PCDH9: variants seen among roughly 807,000 people sequenced by gnomAD.
PCDH9 encodes the protein protocadherin-9.
A neutral mutation model predicts 70.6 loss-of-function variants in PCDH9; 24 were observed. That is an observed-to-expected ratio of 0.34 (90% confidence interval 0.25 to 0.48). PCDH9 has a LOEUF of 0.48. Among genes scored for constraint, PCDH9 ranks in the 20% least tolerant of loss-of-function variants. The probability of loss-of-function intolerance (pLI) is 0.99; values close to 1 mark genes in which losing one functional copy is unlikely to be tolerated. For synonymous variants in PCDH9, 562 were observed against 558.5 expected (o/e 1.01, Z -0.09); for missense variants, 1,281 against 1,503.6 (o/e 0.85, Z 2.45).
intron 3 of PCDH9, among the ~76,000 whole-genome samples, chr13:66,775,024 T>A (rs2079868284): frequency 6.6e-6 from 1 of 152,218 alleles, no homozygotes; most frequent in Non-Finnish European, 1.5e-5. Context: ...ATGATTAAGT[T>A]CCCATTTTTT....
At chr13:66,380,536 CTTTTTTTTT>C (rs59830525) in intron 4 of PCDH9, among the ~76,000 whole-genome samples, 1 of 53,360 alleles carries the variant, frequency 1.9e-5, no homozygotes, top group Non-Finnish European at 3.5e-5. Context: ...AGATCTTGTC[CTTTTTTTTT>C]TTTTTTTTTT....
chr13:67,135,995 T>C (rs1275280295), intron 2 of PCDH9, among the ~76,000 whole-genome samples: 1 of 152,012 alleles, frequency 6.6e-6, no homozygotes, highest in African/African-American at 2.4e-5. Flanking sequence ...TCCCCATCCA[T>C]ACTGAATATT....
intron 3 of PCDH9, among the ~76,000 whole-genome samples, chr13:66,813,873 TA>T (rs1401546924): frequency 6.6e-6 from 1 of 151,766 alleles, no homozygotes; most frequent in Non-Finnish European, 1.5e-5. Context: ...TTGGTCTAAA[TA>T]AAAAAAATCA....
intron 3 of PCDH9, among the ~76,000 whole-genome samples, chr13:66,809,105 G>A (rs562078594): frequency 8.5e-5 from 13 of 152,096 alleles, no homozygotes; most frequent in African/African-American, 2.7e-4. Context: ...CCGCCACCAC[G>A]CTCGACTAAT....
chr13:66,417,343 C>A (rs1346914833), intron 4 of PCDH9, among the ~76,000 whole-genome samples: 1 of 152,130 alleles, frequency 6.6e-6, no homozygotes, highest in Non-Finnish European at 1.5e-5. Flanking sequence ...GATGTCCCTG[C>A]AAAGGACAGG....
intron 2 of PCDH9, among the ~76,000 whole-genome samples, chr13:67,075,629 T>A (rs61959361): frequency 1.2e-4 from 18 of 150,392 alleles, no homozygotes; most frequent in Non-Finnish European, 2.5e-4. Context: ...TTCCATGACA[T>A]CTTATTTCTA....
chr13:67,027,647 G>T (rs1184318199), intron 2 of PCDH9, among the ~76,000 whole-genome samples: 6 of 149,808 alleles, frequency 4.0e-5, no homozygotes, highest in Non-Finnish European at 7.4e-5. Flanking sequence ...CAAAATGGGA[G>T]AAAATTTTCA....
intron 3 of PCDH9, among the ~76,000 whole-genome samples, chr13:66,724,969 A>T (rs1201744544): frequency 6.6e-6 from 1 of 152,176 alleles, no homozygotes; most frequent in African/African-American, 2.4e-5. Context: ...AATATTACAT[A>T]GTGCTGATGA....
chr13:66,616,484 C>CTTTTTTTTTTTTTTTTTTTTTTT (rs60587237), intron 4 of PCDH9, among the ~76,000 whole-genome samples: 2 of 116,672 alleles, frequency 1.7e-5, no homozygotes, highest in Admixed American at 9.8e-5. Context: ...TTCTAAAATT[C>CTTTTTTTTTTTTTTTTTTTTTTT]TTTTTTTTTT....
At chr13:66,588,090 T>G (rs2076986998) in intron 4 of PCDH9, among the ~76,000 whole-genome samples, 1 of 152,026 alleles carries the variant, frequency 6.6e-6, no homozygotes, top group African/African-American at 2.4e-5. Flanking sequence ...AATAACTTTG[T>G]AAAAAATCAT....
chr13:66,317,757 G>A (rs1383146285), intron 4 of PCDH9, among the ~76,000 whole-genome samples: 22 of 151,346 alleles, frequency 1.5e-4, no homozygotes, highest in Admixed American at 1.4e-3. Context: ...AAGATGATTA[G>A]CAAATTTATT....
At chr13:66,430,112 TA>T (rs1957745077) in intron 4 of PCDH9, among the ~76,000 whole-genome samples, 2 of 152,178 alleles carry the variant, frequency 1.3e-5, no homozygotes, top group South Asian at 2.1e-4. Flanking sequence ...TCCCTATTTA[TA>T]AAAGTAATAC....
intron 4 of PCDH9, among the ~76,000 whole-genome samples, chr13:66,347,210 T>C (rs1010740596): frequency 2.0e-5 from 3 of 152,214 alleles, no homozygotes; most frequent in Non-Finnish European, 4.4e-5. Flanking sequence ...ACCAAGCACA[T>C]TTTAATGTAT....
At position 66,980,102 on chromosome 13, in the gene PCDH9, A is replaced by ATCTATCTC. The variant is rs1163542883; in HGVS notation, c.3037-76498_3037-76497insGAGATAGA. On this transcript the variant is annotated intron_variant, in intron 2 of 4. Coordinates refer to ENST00000377865, the MANE Select transcript of PCDH9 (RefSeq NM_203487.3). ...TCTCTATCTATCTATCTATCTATCT[A>ATCTATCTC]TCTATCTATCTATCTATCTATCTAT... Among the ~76,000 whole-genome samples the ATCTATCTC allele has an allele frequency of 1.5e-3, 222 of 151,898 alleles. 1 individual carries two copies. The highest frequency in any genetic ancestry group is 5.1e-3 in the African/African-American group (209 of 41,360).
chr13:66,463,446 C>T (rs968514919), intron 4 of PCDH9, among the ~76,000 whole-genome samples: 1 of 151,262 alleles, frequency 6.6e-6, no homozygotes, highest in Admixed American at 6.6e-5. Flanking sequence ...AATAACAAAA[C>T]AAGACAGAGC....
chr13:66,419,830 G>T (rs1474558583), intron 4 of PCDH9, among the ~76,000 whole-genome samples: 1 of 151,608 alleles, frequency 6.6e-6, no homozygotes, highest in Non-Finnish European at 1.5e-5. Flanking sequence ...CACTACCCTG[G>T]AAAGGGGGCT....
intron 2 of PCDH9, among the ~76,000 whole-genome samples, chr13:67,184,402 C>T (rs979476231): frequency 6.6e-6 from 1 of 152,090 alleles, no homozygotes; most frequent in African/African-American, 2.4e-5. Flanking sequence ...GCATTCAGAT[C>T]TCTGTGAATT....
In PCDH9 at chr13:66,665,389, C is replaced by T. The variant is rs569590905; in HGVS notation, c.3139-33978G>A. Among the ~76,000 whole-genome samples, 21 of 152,200 alleles carry T rather than the reference C, an allele frequency of 1.4e-4. No individual in the cohort carries two copies. The South Asian group carries it at 1.5e-3, about 11-fold the overall frequency. On this transcript the variant is annotated intron_variant, in intron 3 of 4. Transcript: ENST00000377865. ...CTGGGATTACAGGTGTGAGCCACCG[C>T]GCCTGACCAGAAAGCTAAGGACTTT... is the stretch of plus-strand genomic sequence containing the variant.
intron 2 of PCDH9, among the ~76,000 whole-genome samples, chr13:67,128,329 A>G (rs200774410): frequency 6.6e-6 from 1 of 152,202 alleles, no homozygotes; most frequent in East Asian, 1.9e-4. Flanking sequence ...ACACAATGCA[A>G]GTATCTCTGA....
Sources: allele counts gnomAD v4.1 joint callset (sites outside exome capture counted in the v4.1 genomes callset), GRCh38; gene constraint gnomAD v4.1.1; transcripts MANE v1.5; gene names NCBI Gene and HGNC (gene_info 2026-07-23, HGNC 2026-07-21).